Variants in CNTNAP2 observed in about 807,000 individuals in gnomAD.
CNTNAP2 encodes the protein contactin associated protein 2.
In CNTNAP2, 98 loss-of-function variants were observed where a neutral mutation model predicts 155.2. That is an observed-to-expected ratio of 0.63 (90% confidence interval 0.54 to 0.75). The LOEUF is 0.75. Ranked by LOEUF, CNTNAP2 falls within the 30% of genes least tolerant of loss-of-function variation. CNTNAP2 has a pLI of 0.00. For synonymous variants in CNTNAP2, 651 were observed against 631.2 expected (o/e 1.03, Z -0.47); for missense variants, 1,727 against 1,688.1 (o/e 1.02, Z -0.40).
rs1206388078 is a variant in CNTNAP2 at position 146,609,415 on chromosome 7, T to C, written c.98-164856T>C. On this transcript the variant is annotated intron_variant, in intron 1 of 23. Transcript: ENST00000361727. ...CCAAGGGTCATTCTGAAAACAGGAT[T>C]TCTCATGTGTCACCCCAATACTGCA... Among the ~76,000 whole-genome samples the C allele has an allele frequency of 3.3e-5, 5 of 152,372 alleles. No individual in the cohort carries two copies. The East Asian group carries it at 9.6e-4, about 29-fold the overall frequency.
At chr7:148,362,075 A>G (rs115237145) in intron 21 of CNTNAP2, among the ~76,000 whole-genome samples, 5,722 of 152,142 alleles carry the variant, frequency 0.038, 286 homozygotes, top group African/African-American at 0.12. Context: ...TGGGCATGGT[A>G]GTGCGTGCCT....
chr7:146,922,145 A>G (rs1034508386), intron 3 of CNTNAP2, among the ~76,000 whole-genome samples: 1 of 151,998 alleles, frequency 6.6e-6, no homozygotes, highest in Non-Finnish European at 1.5e-5. Context: ...ACACATATAT[A>G]TATAAAACAA....
chr7:148,195,120 G>T (rs1795255857), intron 18 of CNTNAP2, among the ~76,000 whole-genome samples: 1 of 152,256 alleles, frequency 6.6e-6, no homozygotes, highest in South Asian at 2.1e-4. Context: ...TCAGAAATAG[G>T]CTTGGCTTTC....
At chr7:148,016,268 C>A (rs1056325506) in intron 15 of CNTNAP2, among the ~76,000 whole-genome samples, 2 of 152,182 alleles carry the variant, frequency 1.3e-5, no homozygotes, top group East Asian at 1.9e-4. Flanking sequence ...TTCTGCATGG[C>A]GGTAGAGCTG....
At chr7:147,350,152 T>A (rs1407286708) in intron 9 of CNTNAP2, among the ~76,000 whole-genome samples, 1 of 151,882 alleles carries the variant, frequency 6.6e-6, no homozygotes, top group Non-Finnish European at 1.5e-5. Flanking sequence ...ATAACTGAAG[T>A]AAGAATTTAC....
At chr7:147,458,748 G>A (rs1797965428) in intron 10 of CNTNAP2, among the ~76,000 whole-genome samples, 1 of 152,146 alleles carries the variant, frequency 6.6e-6, no homozygotes, top group Non-Finnish European at 1.5e-5. Flanking sequence ...CCAGAAAACA[G>A]ATTTCCTAGT....
chr7:147,317,147 T>A (rs950147019), intron 9 of CNTNAP2, among the ~76,000 whole-genome samples: 4 of 152,246 alleles, frequency 2.6e-5, no homozygotes, highest in Non-Finnish European at 2.9e-5. Flanking sequence ...CTCAGCTGTT[T>A]CACTGCCACT....
intron 3 of CNTNAP2, among the ~76,000 whole-genome samples, chr7:146,905,240 C>T (rs1796094739): frequency 2.0e-5 from 3 of 151,924 alleles, no homozygotes; most frequent in Admixed American, 2.0e-4. Flanking sequence ...ATCTTGGATG[C>T]CTCCTTAGCC....
intron 1 of CNTNAP2, among the ~76,000 whole-genome samples, chr7:146,308,330 A>T (rs1339458713): frequency 6.6e-6 from 1 of 152,196 alleles, no homozygotes; most frequent in African/African-American, 2.4e-5. Flanking sequence ...AGGAAACAAC[A>T]GGTGCTGGAG....
At chr7:147,733,667 C>A (rs1796785672) in intron 13 of CNTNAP2, among the ~76,000 whole-genome samples, 1 of 152,170 alleles carries the variant, frequency 6.6e-6, no homozygotes, top group South Asian at 2.1e-4. Context: ...AATGTTCTTC[C>A]ATTTGTTTGT....
intron 1 of CNTNAP2, among the ~76,000 whole-genome samples, chr7:146,756,906 C>T (rs577709076): frequency 1.8e-4 from 28 of 152,174 alleles, no homozygotes; most frequent in African/African-American, 6.5e-4. Context: ...TTCAGAACTG[C>T]TTCCTATATA....
intron 2 of CNTNAP2, among the ~76,000 whole-genome samples, chr7:146,826,309 T>C (rs1162264348): frequency 6.6e-6 from 1 of 152,166 alleles, no homozygotes; most frequent in East Asian, 1.9e-4. Context: ...TGAGAATCTA[T>C]TTTTAAATTC....
intron 16 of CNTNAP2, among the ~76,000 whole-genome samples, chr7:148,127,982 A>T (rs937697040): frequency 6.6e-6 from 1 of 151,910 alleles, no homozygotes; most frequent in African/African-American, 2.4e-5. Context: ...TGATCCTCTC[A>T]CCTCAGCCTC....
At chr7:147,297,324 G>T (rs1439734557) in intron 8 of CNTNAP2, among the ~76,000 whole-genome samples, 1 of 151,742 alleles carries the variant, frequency 6.6e-6, no homozygotes, top group Non-Finnish European at 1.5e-5. Context: ...TAACTTTAGG[G>T]TTTTTTTAGT....
At chr7:147,570,453 A>T (rs1276281455) in intron 12 of CNTNAP2, among the ~76,000 whole-genome samples, 1 of 152,198 alleles carries the variant, frequency 6.6e-6, no homozygotes, top group Non-Finnish European at 1.5e-5. Flanking sequence ...TAATTGTAAC[A>T]TATTGTTCTG....
chr7:146,852,379 T>C (rs981264483), intron 3 of CNTNAP2, among the ~76,000 whole-genome samples: 3 of 152,150 alleles, frequency 2.0e-5, no homozygotes, highest in African/African-American at 7.2e-5. Flanking sequence ...CTCTCTGCAA[T>C]CATTTATTTA....
intron 1 of CNTNAP2, among the ~76,000 whole-genome samples, chr7:146,559,723 T>G (rs1341879405): frequency 6.6e-6 from 1 of 152,222 alleles, no homozygotes; most frequent in Non-Finnish European, 1.5e-5. Context: ...TCAATCATAT[T>G]TTGGATAGAT....
At chr7:147,785,307 A>G (rs79292409) in intron 13 of CNTNAP2, among the ~76,000 whole-genome samples, 1,845 of 152,208 alleles carry the variant, frequency 0.012, 28 homozygotes, top group African/African-American at 0.036. Flanking sequence ...GAAGCTCTGG[A>G]CTCAGGAAAG....
rs190148025 is a variant in CNTNAP2 at position 147,517,186 on chromosome 7, G to T, written c.1777+31145G>T. The stretch of plus-strand genomic sequence containing the variant: ...TGCCCCACCAAGATGTAATGAATTC[G>T]ATTAAGATTTGGAATCAGTCTTGCT... On this transcript the variant is annotated intron_variant, in intron 11 of 23. Coordinates refer to ENST00000361727, the MANE Select transcript of CNTNAP2 (RefSeq NM_014141.6). 3.0e-3 allele frequency among the ~76,000 whole-genome samples: 450 copies of T among 152,022 alleles called. 1 individual carries two copies. Among genetic ancestry groups the T allele is most frequent in the Admixed American group, 5.6e-3 (86 of 15,280 alleles).
Sources: allele counts gnomAD v4.1 joint callset (sites outside exome capture counted in the v4.1 genomes callset), GRCh38; gene constraint gnomAD v4.1.1; transcripts MANE v1.5; gene names NCBI Gene and HGNC (gene_info 2026-07-23, HGNC 2026-07-21).